Variants in HECW1 observed in about 807,000 individuals in gnomAD.
HECW1 encodes the protein E3 ubiquitin-protein ligase HECW1.
HECW1 carries 61 observed loss-of-function variants against 182.3 expected under a neutral mutation model. The observed-to-expected ratio is 0.33, with a 90% CI of 0.27 to 0.41. HECW1 has a LOEUF of 0.41. HECW1 is among the 10% of genes least tolerant of loss of function. HECW1 has a pLI of 1.00. For synonymous variants in HECW1, 859 were observed against 832.6 expected, an observed-to-expected ratio of 1.03 and a Z score of -0.55; for missense variants, 1,739 against 2,108.9, an observed-to-expected ratio of 0.82 and a Z score of 3.44.
At chr7:43,228,158 G>C (rs7796495) in intron 2 of HECW1, among the ~76,000 whole-genome samples, 2 of 151,886 alleles carry the variant, frequency 1.3e-5, no homozygotes, top group African/African-American at 4.8e-5. Context: ...AGCAAATAAC[G>C]CCCAGGGAAA....
intron 18 of HECW1, 46 bp from the exon 19 acceptor site, chr7:43,493,038 C>A (rs747028701): frequency 7.5e-7 from 1 of 1,331,510 alleles, no homozygotes; most frequent in South Asian, 1.2e-5. Flanking sequence ...GAGTGATTAT[C>A]TCTGGGCTGC....
chr7:43,221,635 G>A (rs914340467), intron 2 of HECW1, among the ~76,000 whole-genome samples: 20 of 128,036 alleles, frequency 1.6e-4, no homozygotes, highest in Admixed American at 4.0e-4. Flanking sequence ...CTTACTGCAA[G>A]CTCCGCCTCC....
chr7:43,290,210 A>T (rs564222247), intron 3 of HECW1, among the ~76,000 whole-genome samples: 128 of 152,320 alleles, frequency 8.4e-4, no homozygotes, highest in African/African-American at 3.0e-3. Flanking sequence ...TTGCAGGGCC[A>T]TTTCAAAAGA....
chr7:43,543,094 G>A (rs17803315), intron 26 of HECW1, among the ~76,000 whole-genome samples: 24,297 of 152,084 alleles, frequency 0.16, 2,550 homozygotes, highest in Non-Finnish European at 0.24. Context: ...TCAAATCTTC[G>A]GATCAAATGG....
At chr7:43,351,492 A>T (rs1814443689) in intron 5 of HECW1, among the ~76,000 whole-genome samples, 1 of 152,034 alleles carries the variant, frequency 6.6e-6, no homozygotes, top group Admixed American at 6.6e-5. Context: ...AGGTGGGGGC[A>T]GGGCTAGACG....
At chr7:43,420,002 A>G (rs1327754764) in intron 8 of HECW1, among the ~76,000 whole-genome samples, 1 of 152,244 alleles carries the variant, frequency 6.6e-6, no homozygotes, top group Non-Finnish European at 1.5e-5. Flanking sequence ...GAACAAAGCA[A>G]GGAGGAAGTA....
intron 2 of HECW1, among the ~76,000 whole-genome samples, chr7:43,225,073 G>T (rs1041447135): frequency 2.6e-5 from 4 of 152,144 alleles, no homozygotes; most frequent in African/African-American, 7.2e-5. Context: ...CAAAGGTGTG[G>T]GGGAAGATGA....
At chr7:43,548,523 G>T (rs2081659600) in intron 26 of HECW1, among the ~76,000 whole-genome samples, 1 of 152,190 alleles carries the variant, frequency 6.6e-6, no homozygotes, top group Admixed American at 6.5e-5. Context: ...CAAGTTGTTA[G>T]ACAGTGGAGA....
rs184130440 is a variant in HECW1, at chr7:43,131,213, C to G, written c.-32+16822C>G. Among the ~76,000 whole-genome samples, 798 of 152,170 alleles carry G rather than the reference C, an allele frequency of 5.2e-3. 7 individuals are homozygous for G. Among genetic ancestry groups the G allele is most frequent in the Middle Eastern group, 0.01 (3 of 294 alleles). ...CCCAGGAGCAGAGGTTGCGGTGAGC[C>G]GAGATCTTGCCACTGCACTCCAGCC... On this transcript the variant is annotated intron_variant, in intron 2 of 29. Transcript: ENST00000395891.
At chr7:43,494,941 G>A (rs1415112227) in intron 19 of HECW1, among the ~76,000 whole-genome samples, 1 of 152,044 alleles carries the variant, frequency 6.6e-6, no homozygotes, top group Non-Finnish European at 1.5e-5. Flanking sequence ...GTACTCTCCT[G>A]CCTTTGTCTT....
At chr7:43,483,547 CTTTTT>C (rs549214390) in intron 17 of HECW1, among the ~76,000 whole-genome samples, 2 of 119,034 alleles carry the variant, frequency 1.7e-5, no homozygotes, top group Non-Finnish European at 1.7e-5. Flanking sequence ...CATGCAAACT[CTTTTT>C]TTTTTTTTTT....
At chr7:43,277,300 G>T (rs1052749917) in intron 3 of HECW1, among the ~76,000 whole-genome samples, 1 of 152,094 alleles carries the variant, frequency 6.6e-6, no homozygotes, top group Non-Finnish European at 1.5e-5. Context: ...CCATGACGCT[G>T]CCTCCCTGCC....
At chr7:43,271,421 TTTC>T (rs1420382952) in intron 3 of HECW1, among the ~76,000 whole-genome samples, 1 of 152,208 alleles carries the variant, frequency 6.6e-6, no homozygotes, top group African/African-American at 2.4e-5. Flanking sequence ...AGTCGAACTC[TTTC>T]TTCCCGAATT....
At chr7:43,290,965 C>A (rs1805326189) in intron 3 of HECW1, among the ~76,000 whole-genome samples, 1 of 152,222 alleles carries the variant, frequency 6.6e-6, no homozygotes, top group Non-Finnish European at 1.5e-5. Context: ...GAGAAGACTG[C>A]ATATGGAGAA....
chr7:43,512,048 A>G (rs755666), intron 24 of HECW1: 64,330 of 216,180 alleles, frequency 0.3, 9,814 homozygotes, highest in South Asian at 0.46. Context: ...GCGTGGGCGT[A>G]GCTGCTGCTG....
chr7:43,479,959 C>T (rs905085389), intron 17 of HECW1, among the ~76,000 whole-genome samples: 11 of 152,178 alleles, frequency 7.2e-5, no homozygotes, highest in Non-Finnish European at 1.5e-5. Context: ...TGCCTTTTGT[C>T]CCACACAATC....
intron 2 of HECW1, among the ~76,000 whole-genome samples, chr7:43,196,192 TC>T (rs1354391101): frequency 1.3e-5 from 2 of 152,200 alleles, no homozygotes; most frequent in Non-Finnish European, 2.9e-5. Context: ...GTGAAATCCC[TC>T]CTATGACTGA....
At chr7:43,361,815 CTTTTTT>C (rs397890047) in intron 6 of HECW1, among the ~76,000 whole-genome samples, 4 of 77,964 alleles carry the variant, frequency 5.1e-5, no homozygotes, top group Non-Finnish European at 9.4e-5. Context: ...AAGACTCTCT[CTTTTTT>C]TTTTTTTTTT....
At chr7:43,228,302 A>C (rs1797603387) in intron 2 of HECW1, among the ~76,000 whole-genome samples, 1 of 152,272 alleles carries the variant, frequency 6.6e-6, no homozygotes, top group South Asian at 2.1e-4. Context: ...CCTGGGCAAC[A>C]TACAGAGACC....
Sources: allele counts gnomAD v4.1 joint callset (sites outside exome capture counted in the v4.1 genomes callset), GRCh38; gene constraint gnomAD v4.1.1; transcripts MANE v1.5; gene names NCBI Gene and HGNC (gene_info 2026-07-23, HGNC 2026-07-21).